TXNRD2: variants seen among roughly 807,000 people sequenced by gnomAD.
The protein encoded by TXNRD2 is thioredoxin reductase 2.
A neutral mutation model predicts 70.8 loss-of-function variants in TXNRD2; 67 were observed. The ratio of observed to expected loss-of-function variants is 0.95; its 90% CI spans 0.78 to 1.16. The LOEUF (loss-of-function observed/expected upper bound fraction) is 1.16. Ranked by LOEUF, TXNRD2 falls within the 50% of genes most tolerant of loss-of-function variation. The pLI, the probability that TXNRD2 is intolerant of heterozygous loss-of-function variation, is 0.00. For synonymous variants in TXNRD2, 301 were observed against 295.8 expected (o/e 1.02, Z -0.18); for missense variants, 644 against 719.9 (o/e 0.89, Z 1.21).
At chr22:19,921,757 G>A (rs75996974) in intron 2 of TXNRD2, among the ~76,000 whole-genome samples, 3,313 of 152,288 alleles carry the variant, frequency 0.022, 125 homozygotes, top group African/African-American at 0.075. Context: ...GAATCTGAGA[G>A]ATCTGATCGG....
chr22:19,916,229 T>G, intron 5 of TXNRD2: 1 of 295,492 alleles, frequency 3.4e-6, no homozygotes, highest in South Asian at 3.4e-5. Context: ...TGTCACCTTC[T>G]GATTTCAGGG....
chr22:19,920,959 TA>T (rs1940884291), intron 2 of TXNRD2, among the ~76,000 whole-genome samples: 2 of 151,804 alleles, frequency 1.3e-5, no homozygotes, highest in Non-Finnish European at 2.9e-5. Context: ...AAAACAAAAT[TA>T]GTTGGGCGTG....
At chr22:19,938,170 T>G (rs929467658) in intron 1 of TXNRD2, 17 of 152,174 alleles carry the variant, frequency 1.1e-4, no homozygotes, top group African/African-American at 3.9e-4. Context: ...GGCCTGGTGT[T>G]AGGCAGGGCA....
At chr22:19,904,279 C>A (rs1266765634) in intron 8 of TXNRD2, among the ~76,000 whole-genome samples, 1 of 152,250 alleles carries the variant, frequency 6.6e-6, no homozygotes, top group East Asian at 1.9e-4. Context: ...AGGTTACAAA[C>A]CAGGTGCTCA....
At chr22:19,908,564 T>A (rs1940176181) in intron 8 of TXNRD2, among the ~76,000 whole-genome samples, 1 of 152,182 alleles carries the variant, frequency 6.6e-6, no homozygotes. Flanking sequence ...TAAGATGGTG[T>A]GGGCGCTGTT....
chr22:19,922,853 AT>A, intron 2 of TXNRD2, among the ~76,000 whole-genome samples: 1 of 150,476 alleles, frequency 6.6e-6, no homozygotes, highest in Non-Finnish European at 1.5e-5. Flanking sequence ...TGCCCGGCCA[AT>A]TTTTTTGTAT....
Position 19,878,402 on chromosome 22 carries a change from C to T in TXNRD2, c.1311G>A (p.Thr437=), listed in dbSNP as rs200312334. ...YHAHYKPLEF[T]VAGRDASQCY... is the part of the protein sequence containing the mutation. ...ACTGGGATGCATCTCGTCCAGCCAC[C>T]GTGAACTCCAGTGGTTTATAATGGG... The change falls in exon 15 of 18, where the codon ACG becomes ACA. Residue 437 remains threonine (T), a synonymous_variant. Transcript: ENST00000400521. 31 of 1,613,836 alleles carry T rather than the reference C, an allele frequency of 1.9e-5. No individual in the cohort carries two copies. The highest frequency in any genetic ancestry group is 1.6e-4 in the Middle Eastern group (1 of 6,062).
chr22:19,878,302 C>T (rs1938601804), intron 15 of TXNRD2, 64 bp downstream of exon 15: 2 of 1,604,126 alleles, frequency 1.2e-6, no homozygotes, highest in Non-Finnish European at 1.7e-6. Flanking sequence ...CGGGTGTTCA[C>T]CCTGCCAGGC....
intron 2 of TXNRD2, among the ~76,000 whole-genome samples, chr22:19,930,327 TCAC>T (rs925216545): frequency 1.3e-5 from 2 of 152,000 alleles, no homozygotes; most frequent in Non-Finnish European, 2.9e-5. Context: ...CCCTCCCCAT[TCAC>T]CACAACTGCC....
At position 19,881,162 on chromosome 22, in the gene TXNRD2, G is replaced by A. The variant is rs115189901; in HGVS notation, c.1087-445C>T. 786 of 426,640 alleles carry A rather than the reference G, an allele frequency of 1.8e-3. 5 individuals carry two copies. The highest frequency in any genetic ancestry group is 0.013 in the African/African-American group (654 of 49,622). 26.4% of individuals were successfully genotyped at this position (426,640 alleles called of 1,614,324 possible). ...TCCTGACGTGCAGCTTGATCTGCAC[G>A]TCACAGTCCATAACAAATTCCAAAT... On this transcript the variant is annotated intron_variant, in intron 12 of 17. Coordinates refer to ENST00000400521, the MANE Select transcript of TXNRD2 (RefSeq NM_006440.5).
intron 2 of TXNRD2, among the ~76,000 whole-genome samples, chr22:19,930,635 C>T (rs112707785): frequency 0.01 from 1,559 of 152,208 alleles, 15 homozygotes; most frequent in African/African-American, 0.035. Context: ...CGCAGCTAGC[C>T]GGGCAGGGGC....
At chr22:19,933,779 C>T (rs758379602) in intron 1 of TXNRD2, among the ~76,000 whole-genome samples, 7 of 152,180 alleles carry the variant, frequency 4.6e-5, no homozygotes, top group South Asian at 2.1e-4. Context: ...GGGTGGCAGG[C>T]GTTACCTGGG....
intron 7 of TXNRD2, 35 bp from the exon 8 acceptor site, chr22:19,911,482 T>G: frequency 1.3e-6 from 2 of 1,564,388 alleles, no homozygotes; most frequent in Non-Finnish European, 1.8e-6. Context: ...GGACAAGAGC[T>G]CCATTTGGCC....
At chr22:19,878,860 C>T (rs893110579) in intron 14 of TXNRD2, among the ~76,000 whole-genome samples, 3 of 152,238 alleles carry the variant, frequency 2.0e-5, no homozygotes, top group Admixed American at 1.3e-4. Flanking sequence ...TTGGCCCTCA[C>T]TGGAGCAAGG....
chr22:19,932,271 G>A (rs1941394001), intron 1 of TXNRD2: 1 of 1,610,624 alleles, frequency 6.2e-7, no homozygotes, highest in South Asian at 1.1e-5. Context: ...AGCTAGGAGG[G>A]AAGCCACCCT....
In TXNRD2 at chr22:19,915,222, G is replaced by A; in HGVS notation, c.583C>T (p.Pro195Ser). Residue 195 changes from proline to serine, a missense_variant, in exon 7 of 18, where the codon CCC becomes TCC. Pro to Ser is a moderately conservative substitution (Grantham distance 74, BLOSUM62 -1). Coordinates refer to ENST00000400521, the MANE Select transcript of TXNRD2 (RefSeq NM_006440.5). ...IIATGGRPRY[P>S]THIEGALEYG... ...GCTCTGGGGACACTCACGTGCGTGG[G>A]GTATCTCGGCCGCCCTCCAGTAGCA... 1 of 1,613,832 alleles carries A rather than the reference G, an allele frequency of 6.2e-7. No individual in the cohort carries two copies. Among genetic ancestry groups the A allele is most frequent in the Admixed American group, 1.7e-5 (1 of 59,966 alleles).
intron 8 of TXNRD2, among the ~76,000 whole-genome samples, chr22:19,901,221 C>T (rs1456304044): frequency 6.6e-6 from 1 of 152,240 alleles, no homozygotes; most frequent in Non-Finnish European, 1.5e-5. Context: ...AGGTGACTCT[C>T]CAGGCCCTCC....
intron 8 of TXNRD2, among the ~76,000 whole-genome samples, chr22:19,903,786 G>A (rs1054241660): frequency 2.6e-5 from 4 of 152,192 alleles, no homozygotes; most frequent in South Asian, 2.1e-4. Flanking sequence ...TCCACCTGCC[G>A]GGGGCTTGCT....
At chr22:19,927,558 G>A (rs1413942855) in intron 2 of TXNRD2, among the ~76,000 whole-genome samples, 2 of 151,236 alleles carry the variant, frequency 1.3e-5, no homozygotes, top group African/African-American at 4.9e-5. Context: ...GGAGGCTGAG[G>A]TGGGAAAATC....
Sources: allele counts gnomAD v4.1 joint callset (sites outside exome capture counted in the v4.1 genomes callset), GRCh38; gene constraint gnomAD v4.1.1; transcripts MANE v1.5; gene names NCBI Gene and HGNC (gene_info 2026-07-23, HGNC 2026-07-21).